Variants in NEMF observed in about 807,000 individuals in gnomAD.
NEMF encodes nuclear export mediator factor.
Under a neutral mutation model 162.2 loss-of-function variants are expected in NEMF, and 89 were observed. The ratio of observed to expected loss-of-function variants is 0.55; its 90% CI spans 0.46 to 0.65. NEMF has a LOEUF of 0.65. NEMF is among the 30% of genes least tolerant of loss of function. The probability of loss-of-function intolerance (pLI) is 0.00; values close to 1 mark genes in which losing one functional copy is unlikely to be tolerated. For missense variants in NEMF, 1,133 were observed against 1,261.9 expected, an observed-to-expected ratio of 0.90 and a Z score of 1.55; for synonymous variants, 421 against 404.5, an observed-to-expected ratio of 1.04 and a Z score of -0.49.
intron 3 of NEMF, among the ~76,000 whole-genome samples, chr14:49,848,922 C>A (rs1893643834): frequency 6.7e-6 from 1 of 150,208 alleles, no homozygotes; most frequent in South Asian, 2.1e-4. Context: ...GACAAAAAAT[C>A]CACTCCTTGA....
intron 17 of NEMF, among the ~76,000 whole-genome samples, chr14:49,814,300 A>G (rs1458471804): frequency 6.6e-6 from 1 of 151,806 alleles, no homozygotes; most frequent in Non-Finnish European, 1.5e-5. Context: ...ACAGGGTTTC[A>G]CCATGTTGGC....
intron 16 of NEMF, among the ~76,000 whole-genome samples, chr14:49,823,269 A>G (rs769847206): frequency 3.9e-5 from 6 of 151,972 alleles, no homozygotes; most frequent in Non-Finnish European, 7.4e-5. Context: ...AAAAAATTTA[A>G]AAAGAAACAA....
chr14:49,789,020 T>C, intron 28 of NEMF, 126 bp downstream of exon 28: 2 of 733,310 alleles, frequency 2.7e-6, no homozygotes, highest in Admixed American at 4.6e-5. Context: ...TATTTCTGGA[T>C]GACATTCCAT....
At chr14:49,827,122 G>A (rs181521691) in intron 15 of NEMF, among the ~76,000 whole-genome samples, 1 of 152,262 alleles carries the variant, frequency 6.6e-6, no homozygotes, top group Admixed American at 6.5e-5. Context: ...ATAGGAGAAG[G>A]GCTCTGAATT....
At chr14:49,786,807 C>T in intron 28 of NEMF, 57 bp from the exon 29 acceptor site, 2 of 1,480,734 alleles carry the variant, frequency 1.4e-6, no homozygotes, top group Non-Finnish European at 9.4e-7. Context: ...GAAAATTCCA[C>T]ATCATTAAAC....
In NEMF at chr14:49,844,733, G is replaced by GCACA. The variant is rs1446050841; in HGVS notation, c.357+1406_357+1407insTGTG. 302 of 107,304 alleles carry GCACA rather than the reference G, an allele frequency of 2.8e-3. 2 individuals carry two copies. The highest frequency in any genetic ancestry group is 0.011 in the African/African-American group (286 of 25,414). The allele number at this position is 107,304 out of a possible 1,614,324, so 6.6% of individuals were successfully genotyped here. ...TATACATACACACGCACGCGCACGC[G>GCACA]CGCGCACACACACACACACACACAC... On this transcript the variant is annotated intron_variant, in intron 4 of 32. Transcript: ENST00000298310.
chr14:49,831,923 A>G (rs2139976979), intron 10 of NEMF, 128 bp downstream of exon 10: 1 of 626,226 alleles, frequency 1.6e-6, no homozygotes, highest in Non-Finnish European at 2.8e-6. Flanking sequence ...GACGACACTG[A>G]TCTTTAATGC....
At chr14:49,829,508 A>G in intron 11 of NEMF, 82 bp from the exon 12 acceptor site, 1 of 1,104,710 alleles carries the variant, frequency 9.1e-7, no homozygotes, top group Non-Finnish European at 1.3e-6. Context: ...AACACTCACT[A>G]TCCTGACCCC....
At position 49,838,216 on chromosome 14, in the gene NEMF, A is replaced by G. The variant is rs1250174274; in HGVS notation, c.507-10T>C. ...TACTATTTCAGTCAACCTGTGAAAC[A>G]AAACGGACATGCCTCTATCATATCT... On this transcript the variant is annotated splice_polypyrimidine_tract_variant and intron_variant, in intron 5 of 32. Transcript: ENST00000298310. 6.2e-7 allele frequency: 1 copy of G among 1,612,890 alleles called. No homozygotes were observed. The highest frequency in any genetic ancestry group is 8.5e-7 in the Non-Finnish European group (1 of 1,179,060).
rs1890682079 is a variant in NEMF, at chr14:49,796,127, A to C, written c.2466-183T>G. On this transcript the variant is annotated intron_variant, in intron 25 of 32. Transcript: ENST00000298310. Reference sequence around the variant, plus strand: ...AATCATCATGTGGGAAAAAGATGCAAGTTTTTCATCTCTCATGGATTTATC... The same window carrying C: ...AATCATCATGTGGGAAAAAGATGCACGTTTTTCATCTCTCATGGATTTATC... 4.9e-6 allele frequency: 3 copies of C among 612,830 alleles called. No individual in the cohort carries two copies. The South Asian group carries it at 5.3e-5, about 11-fold the overall frequency. The allele number at this position is 612,830 out of a possible 1,614,324, so 38.0% of individuals were successfully genotyped here.
chr14:49,806,234 A>G (rs10131948), intron 18 of NEMF, 101 bp from the exon 19 acceptor site: 8,057 of 26,930 alleles, frequency 0.3, 162 homozygotes, highest in South Asian at 0.46. Flanking sequence ...TGATATGTGT[A>G]TATATATATA....
At position 49,805,921 on chromosome 14, in the gene NEMF, C is replaced by T. The variant is rs1891166056; in HGVS notation, c.1857+100G>A. 1.2e-5 allele frequency: 7 copies of T among 601,046 alleles called. No individual in the cohort carries two copies. The South Asian group carries it at 1.4e-4, about 12-fold the overall frequency. 37.2% of individuals were successfully genotyped at this position (601,046 alleles called of 1,614,324 possible). On this transcript the variant is annotated intron_variant, in intron 19 of 32. Transcript: ENST00000298310. ...ATTTTCCTCTACCAAAAAGAGTTAG[C>T]TCTATTGAGCCTTGTCTGCTTTATT...
At chr14:49,794,800 C>T (rs1255028302) in intron 26 of NEMF, among the ~76,000 whole-genome samples, 6 of 148,856 alleles carry the variant, frequency 4.0e-5, no homozygotes, top group African/African-American at 1.5e-4. Flanking sequence ...CTCACTGCAA[C>T]CTCCGCCTCC....
chr14:49,807,774 A>G (rs1331600272), intron 18 of NEMF, among the ~76,000 whole-genome samples: 2 of 151,058 alleles, frequency 1.3e-5, no homozygotes, highest in East Asian at 1.9e-4. Flanking sequence ...TTATATATAT[A>G]TATTTTTTTA....
At chr14:49,818,879 C>A (rs1036460458) in intron 16 of NEMF, among the ~76,000 whole-genome samples, 1 of 152,112 alleles carries the variant, frequency 6.6e-6, no homozygotes, top group Non-Finnish European at 1.5e-5. Flanking sequence ...GGGCTAAAGA[C>A]AATGAGGATT....
chr14:49,842,955 A>G (rs3100895), intron 4 of NEMF, among the ~76,000 whole-genome samples: 151,243 of 152,026 alleles, frequency 0.99, 75,235 homozygotes, highest in East Asian at 1. Flanking sequence ...GCAGTGAGCC[A>G]AGATCACACC....
At chr14:49,847,285 T>C (rs1893551219) in intron 3 of NEMF, among the ~76,000 whole-genome samples, 1 of 152,104 alleles carries the variant, frequency 6.6e-6, no homozygotes, top group Admixed American at 6.6e-5. Flanking sequence ...CACTGCAACT[T>C]CTGCCTCCCA....
At chr14:49,845,459 A>G (rs895861977) in intron 4 of NEMF, among the ~76,000 whole-genome samples, 1 of 152,186 alleles carries the variant, frequency 6.6e-6, no homozygotes, top group Non-Finnish European at 1.5e-5. Context: ...TTCTTTCTTC[A>G]ATAATAAATT....
intron 8 of NEMF, among the ~76,000 whole-genome samples, chr14:49,832,959 CA>C (rs1349479595): frequency 6.6e-6 from 1 of 152,116 alleles, no homozygotes; most frequent in Non-Finnish European, 1.5e-5. Flanking sequence ...TATAAACCAA[CA>C]AAAACTTTTA....
Sources: gnomAD v4.1 joint callset for allele counts (sites outside exome capture counted in the v4.1 genomes callset) on GRCh38, gnomAD v4.1.1 for gene constraint, MANE v1.5 for transcripts, NCBI Gene and HGNC (gene_info 2026-07-23, HGNC 2026-07-21) for gene names.